Variants in CPED1 observed in about 807,000 individuals in gnomAD.
The protein encoded by CPED1 is cadherin like and PC-esterase domain containing 1.
In CPED1, 114 loss-of-function variants were observed where a neutral mutation model predicts 128.2. The ratio of observed to expected loss-of-function variants is 0.89; its 90% CI spans 0.76 to 1.04. The LOEUF is 1.04. Among genes scored for constraint, CPED1 ranks in the 50% least tolerant of loss-of-function variants. The pLI is 0.00. For missense variants in CPED1, 1,211 were observed against 1,207.1 expected (o/e 1.00, Z -0.05); for synonymous variants, 462 against 426.7 (o/e 1.08, Z -1.02).
intron 16 of CPED1, 105 bp downstream of exon 16, chr7:121,142,246 A>G (rs988492206): frequency 3.6e-5 from 37 of 1,039,636 alleles, no homozygotes; most frequent in Middle Eastern, 3.1e-4. Flanking sequence ...ATGCCTTGAA[A>G]TCGAAACTGT....
intron 4 of CPED1, among the ~76,000 whole-genome samples, chr7:121,063,673 A>G (rs532584485): frequency 6.6e-5 from 10 of 152,202 alleles, no homozygotes; most frequent in Non-Finnish European, 1.2e-4. Context: ...GATGATGTTA[A>G]TCAATTTGTA....
chr7:121,166,010 C>T (rs1270086224), intron 16 of CPED1, among the ~76,000 whole-genome samples: 1 of 152,114 alleles, frequency 6.6e-6, no homozygotes, highest in East Asian at 1.9e-4. Context: ...GACAAATCAA[C>T]ATCCTTCTTA....
intron 4 of CPED1, among the ~76,000 whole-genome samples, chr7:121,048,601 G>T (rs1015585140): frequency 6.6e-6 from 1 of 151,962 alleles, no homozygotes; most frequent in African/African-American, 2.4e-5. Context: ...GTGCAATGGC[G>T]TGATCTCACC....
rs140183112 is a variant in CPED1, at chr7:121,176,216, A to AAAAAC, written c.2055+34075_2055+34076insAAAAC. ...TGGAAAAAAAAAAAAAAAAAAAAAA[A>AAAAAC]CACCTCTGGAAATAACTTGAATTGC... On this transcript the variant is annotated intron_variant, in intron 16 of 22. Transcript: ENST00000310396. Among the ~76,000 whole-genome samples, 58 of 93,046 alleles carry AAAAAC rather than the reference A, an allele frequency of 6.2e-4. 10 individuals are homozygous for AAAAAC. The highest frequency in any genetic ancestry group is 1.9e-3 in the African/African-American group (42 of 22,326). 61.0% of individuals were successfully genotyped at this position (93,046 alleles called of 152,430 possible).
chr7:121,079,589 G>C (rs1794229445), intron 5 of CPED1, among the ~76,000 whole-genome samples: 1 of 152,210 alleles, frequency 6.6e-6, no homozygotes, highest in Admixed American at 6.5e-5. Context: ...TCTTGCTCCT[G>C]TGTTGCTCAT....
chr7:121,203,390 A>AC (rs1242238516), intron 16 of CPED1, among the ~76,000 whole-genome samples: 5 of 151,540 alleles, frequency 3.3e-5, no homozygotes, highest in African/African-American at 1.2e-4. Context: ...CATACAAATC[A>AC]CCCCCATGTT....
intron 3 of CPED1, among the ~76,000 whole-genome samples, chr7:121,018,081 T>C (rs961005621): frequency 6.6e-6 from 1 of 152,170 alleles, no homozygotes; most frequent in Non-Finnish European, 1.5e-5. Flanking sequence ...TGATTTTTGT[T>C]TTTTTATTTG....
chr7:120,989,754 G>A lies in CPED1; in HGVS notation c.133G>A (p.Ala45Thr). ...LRGSRKLTAAAPGAVPHTSTE... is the reference protein window; with the variant it reads ...LRGSRKLTAATPGAVPHTSTE... ...AGGGTCGAGGAAGCTCACAGCCGCT[G>A]CCCCTGGGGCTGTCCCACACACATC... The change falls in exon 2 of 23, where the codon GCC (alanine) becomes ACC (threonine). Residue 45 changes from alanine to threonine, a missense_variant. Transcript: ENST00000310396. 1 of 1,613,924 alleles carries A rather than the reference G, an allele frequency of 6.2e-7. No homozygotes were observed. The highest frequency in any genetic ancestry group is 8.5e-7 in the Non-Finnish European group (1 of 1,180,006).
intron 5 of CPED1, among the ~76,000 whole-genome samples, chr7:121,082,955 T>C (rs140627373): frequency 1.4e-3 from 212 of 152,328 alleles, no homozygotes; most frequent in African/African-American, 4.7e-3. Context: ...TTTATAATAA[T>C]ATTTATGCAT....
intron 7 of CPED1, among the ~76,000 whole-genome samples, chr7:121,112,247 A>G (rs1023450525): frequency 6.6e-6 from 1 of 152,154 alleles, no homozygotes; most frequent in Non-Finnish European, 1.5e-5. Context: ...ACCAGTGAAT[A>G]TTATCTTGTT....
intron 16 of CPED1, among the ~76,000 whole-genome samples, chr7:121,193,995 GCTCT>G (rs373934011): frequency 0.088 from 7,588 of 86,548 alleles, 560 homozygotes; most frequent in Non-Finnish European, 0.1. Flanking sequence ...GGATGAGCAA[GCTCT>G]CTCTCTCTCT....
intron 18 of CPED1, among the ~76,000 whole-genome samples, chr7:121,248,602 A>C (rs73717486): frequency 0.082 from 12,437 of 151,100 alleles, 782 homozygotes; most frequent in South Asian, 0.21. Context: ...AACAAAAAAA[A>C]AAAAAAAAAA....
intron 16 of CPED1, among the ~76,000 whole-genome samples, chr7:121,167,389 C>T (rs1238829949): frequency 2.6e-5 from 4 of 152,122 alleles, no homozygotes; most frequent in African/African-American, 7.2e-5. Context: ...GAATTCATTT[C>T]TTTATGGAAA....
intron 13 of CPED1, 50 bp from the exon 14 acceptor site, chr7:121,135,990 A>T (rs1795775080): frequency 7.4e-7 from 1 of 1,355,760 alleles, no homozygotes. Flanking sequence ...ATATTTTAAC[A>T]TTTTGATTAA....
intron 22 of CPED1, among the ~76,000 whole-genome samples, chr7:121,271,957 A>G (rs755660570): frequency 6.6e-6 from 1 of 152,136 alleles, no homozygotes; most frequent in Non-Finnish European, 1.5e-5. Context: ...TGATAGCCTA[A>G]AACTATTTTA....
At chr7:121,294,362 G>A (rs2116796555) in intron 22 of CPED1, among the ~76,000 whole-genome samples, 1 of 152,186 alleles carries the variant, frequency 6.6e-6, no homozygotes, top group East Asian at 1.9e-4. Flanking sequence ...ACTTATGCAT[G>A]ATGCTTCTTA....
intron 16 of CPED1, among the ~76,000 whole-genome samples, chr7:121,166,132 A>G (rs1268530540): frequency 2.9e-5 from 3 of 103,342 alleles, no homozygotes; most frequent in African/African-American, 3.6e-5. Flanking sequence ...AAAACAAAAA[A>G]AAACAAAAAA....
chr7:121,098,038 A>G (rs1794742984), intron 6 of CPED1, among the ~76,000 whole-genome samples: 1 of 152,210 alleles, frequency 6.6e-6, no homozygotes, highest in Admixed American at 6.5e-5. Context: ...GAAAATAAAC[A>G]TTTGGGTAAA....
At chr7:121,256,814 C>T (rs1326601971) in intron 18 of CPED1, among the ~76,000 whole-genome samples, 3 of 152,010 alleles carry the variant, frequency 2.0e-5, no homozygotes, top group Non-Finnish European at 2.9e-5. Context: ...ATGGAATCAA[C>T]CTAGGTGCCC....
Sources: gnomAD v4.1 joint callset for allele counts (sites outside exome capture counted in the v4.1 genomes callset) on GRCh38, gnomAD v4.1.1 for gene constraint, MANE v1.5 for transcripts, NCBI Gene and HGNC (gene_info 2026-07-23, HGNC 2026-07-21) for gene names.